KDM5A: variants seen among roughly 807,000 people sequenced by gnomAD.
KDM5A encodes the protein lysine-specific demethylase 5A.
A neutral mutation model predicts 193.5 loss-of-function variants in KDM5A; 42 were observed. The ratio of observed to expected loss-of-function variants is 0.22; its 90% CI spans 0.17 to 0.28. The LOEUF is 0.28. KDM5A is among the 10% of genes least tolerant of loss of function. The pLI is 1.00. For synonymous variants in KDM5A, 796 were observed against 718.1 expected (o/e 1.11, Z -1.73); for missense variants, 1,692 against 2,055.1 (o/e 0.82, Z 3.42).
At chr12:288,534 T>A (rs1427411344) in intron 27 of KDM5A, among the ~76,000 whole-genome samples, 4 of 152,164 alleles carry the variant, frequency 2.6e-5, no homozygotes, top group African/African-American at 9.7e-5. Context: ...TCACACTTAA[T>A]AAAAAATATT....
chr12:385,358 C>T (rs116183347), intron 2 of KDM5A, among the ~76,000 whole-genome samples: 2,077 of 151,704 alleles, frequency 0.014, 49 homozygotes, highest in African/African-American at 0.047. Flanking sequence ...GAAAAAACAG[C>T]AAAACGTACA....
intron 4 of KDM5A, among the ~76,000 whole-genome samples, chr12:365,052 T>C (rs10848849): frequency 0.7 from 106,923 of 151,958 alleles, 37,837 homozygotes; most frequent in Middle Eastern, 0.78. Context: ...TGCTATAGCA[T>C]GGCTGAACTT....
chr12:311,206 A>G (rs1040732373), intron 20 of KDM5A, 142 bp from the exon 21 acceptor site: 44 of 729,082 alleles, frequency 6.0e-5, no homozygotes, highest in African/African-American at 5.3e-5. Context: ...TTGAATTAAT[A>G]TAACTTCCAA....
intron 1 of KDM5A, among the ~76,000 whole-genome samples, chr12:387,024 C>T (rs1944645068): frequency 6.6e-6 from 1 of 151,956 alleles, no homozygotes; most frequent in Non-Finnish European, 1.5e-5. Flanking sequence ...TGTGACAGAG[C>T]ACTTTATGTT....
chr12:336,043 CAA>C (rs753624871), intron 10 of KDM5A, among the ~76,000 whole-genome samples: 2 of 42,008 alleles, frequency 4.8e-5, no homozygotes, highest in South Asian at 8.1e-4. Flanking sequence ...TACTTCATCT[CAA>C]AAAAAAAAAA....
At position 307,661 on chromosome 12, in the gene KDM5A, A is replaced by G. The variant is rs1943526603; in HGVS notation, c.3723T>C (p.Pro1241=). ...TCAAACACTGCAGGGCCTCTCCTTC[A>G]GGCAACCGTACGGGCAACTTCTGAA... The part of the protein sequence containing the change: ...VSLQKLPVRL[P]EGEALQCLTE... The change falls in exon 23 of 28, where the codon CCT becomes CCC. Residue 1241 remains proline (P), a synonymous_variant. Coordinates refer to ENST00000399788, the MANE Select transcript of KDM5A (RefSeq NM_001042603.3). The surrounding 1 kb of genome is among the most constrained non-coding windows in gnomAD (Gnocchi z 4.3). 6.2e-7 allele frequency: 1 copy of G among 1,614,082 alleles called. No individual in the cohort carries two copies. The highest frequency in any genetic ancestry group is 1.3e-5 in the African/African-American group (1 of 74,928).
At chr12:371,149 T>A (rs1591936784) in intron 3 of KDM5A, among the ~76,000 whole-genome samples, 1 of 152,352 alleles carries the variant, frequency 6.6e-6, no homozygotes, top group East Asian at 1.9e-4. Flanking sequence ...GATGGCTGGG[T>A]CAAATGGTAT....
In KDM5A at chr12:307,127, T is replaced by C. The variant is rs7314955; in HGVS notation, c.3931-38A>G. Reference sequence around the variant, plus strand: ...TAATTCCAAGATGAACAGCAAGACATGCTAAACAGACAGGGTAATTAATGT... The same window carrying C: ...TAATTCCAAGATGAACAGCAAGACACGCTAAACAGACAGGGTAATTAATGT... On this transcript the variant is annotated intron_variant, in intron 23 of 27. Transcript: ENST00000399788. The surrounding 1 kb of genome is among the most constrained non-coding windows in gnomAD (Gnocchi z 4.3). The C allele has an allele frequency of 4.1e-3, 6,647 of 1,612,978 alleles. 217 individuals are homozygous for C. The African/African-American group carries it at 0.077, about 19-fold the overall frequency.
rs770142298 is a variant in KDM5A, at chr12:354,081, C to T, written c.1024G>A (p.Ala342Thr). Residue 342 changes from alanine to threonine, a missense_variant, in exon 8 of 28, where the codon GCC becomes ACC. This residue lies in a region of KDM5A where 62 missense variants were observed against 107.1 expected (regional missense o/e 0.58). Coordinates refer to ENST00000399788, the MANE Select transcript of KDM5A (RefSeq NM_001042603.3). ...KGDWRCPKCVAEECSKPREAF... is the reference protein window; with the variant it reads ...KGDWRCPKCVTEECSKPREAF... ...CATAGAGGTTAGACGTGTACCTCGG[C>T]GACACATTTAGGACACCTCCAGTCT... is the stretch of plus-strand genomic sequence containing the variant. The T allele has an allele frequency of 9.9e-6, 16 of 1,613,296 alleles. No homozygotes were observed. The highest frequency in any genetic ancestry group is 1.2e-5 in the Non-Finnish European group (14 of 1,179,416).
intron 26 of KDM5A, 57 bp downstream of exon 26, chr12:295,516 A>G: frequency 6.7e-7 from 1 of 1,503,516 alleles, no homozygotes; most frequent in Non-Finnish European, 9.3e-7. Context: ...TGATACCTCT[A>G]AGGAACCTAG....
chr12:295,986 G>A (rs943791216), intron 25 of KDM5A, among the ~76,000 whole-genome samples, 193 bp from the exon 26 acceptor site: 16 of 151,788 alleles, frequency 1.1e-4, no homozygotes, highest in East Asian at 7.7e-4. Context: ...CAATTCCAAG[G>A]CCCACTCTAA....
chr12:382,758 C>T (rs1009577317), intron 3 of KDM5A, among the ~76,000 whole-genome samples: 4 of 151,940 alleles, frequency 2.6e-5, no homozygotes, highest in African/African-American at 9.7e-5. Context: ...ATAGTGAAAC[C>T]CCATCTCTAC....
intron 13 of KDM5A, among the ~76,000 whole-genome samples, chr12:330,975 TTTGA>T (rs1943858341): frequency 6.6e-6 from 1 of 152,154 alleles, no homozygotes; most frequent in Non-Finnish European, 1.5e-5. Flanking sequence ...CTAAATACTT[TTTGA>T]TTATCTACTT....
At chr12:359,766 A>AG (rs1944272044) in intron 5 of KDM5A, among the ~76,000 whole-genome samples, 1 of 39,692 alleles carries the variant, frequency 2.5e-5, no homozygotes, top group African/African-American at 9.9e-5. Context: ...GGTGGGGGGG[A>AG]GTGGGAGGGA....
intron 14 of KDM5A, among the ~76,000 whole-genome samples, 197 bp from the exon 15 acceptor site, chr12:323,978 G>C (rs1473770025): frequency 6.6e-6 from 1 of 152,100 alleles, no homozygotes; most frequent in East Asian, 1.9e-4. Context: ...ATTAAAGTTT[G>C]GTATCTAAGG....
intron 5 of KDM5A, among the ~76,000 whole-genome samples, chr12:359,759 G>C (rs1222650120): frequency 6.9e-6 from 1 of 144,912 alleles, no homozygotes; most frequent in Non-Finnish European, 1.5e-5. Context: ...AAAAAAGGGT[G>C]GGGGGGAGTG....
intron 24 of KDM5A, among the ~76,000 whole-genome samples, chr12:299,199 A>G (rs1460206587): frequency 3.9e-5 from 6 of 152,170 alleles, no homozygotes; most frequent in Non-Finnish European, 7.3e-5. Flanking sequence ...TACAGAGAAC[A>G]CCACAAAGAT....
chr12:368,807 T>C (rs539698300), intron 3 of KDM5A, among the ~76,000 whole-genome samples: 1 of 152,118 alleles, frequency 6.6e-6, no homozygotes, highest in Admixed American at 6.6e-5. Flanking sequence ...TTCCTCACCA[T>C]CATCAAAATA....
chr12:285,241 G>T lies in KDM5A; in HGVS notation c.*215C>A. On this transcript the variant is annotated 3_prime_UTR_variant, in exon 28 of 28. Transcript: ENST00000399788. ...TCAAAGGAGACATGAAATATTGGCT[G>T]TTGTACCAAAGAAGACACCCTCTGC... The T allele has an allele frequency of 1.7e-6, 1 of 592,880 alleles. No homozygotes were observed. The highest frequency in any genetic ancestry group is 2.1e-5 in the South Asian group (1 of 48,530). 36.7% of individuals were successfully genotyped at this position (592,880 alleles called of 1,614,324 possible). A position where few individuals can be genotyped will look rare whatever the true frequency, so the allele number is the denominator to read the frequency against.
Sources: gnomAD v4.1 joint callset for allele counts (sites outside exome capture counted in the v4.1 genomes callset) on GRCh38, gnomAD v4.1.1 for gene constraint, gnomAD v4.1.1 regional missense constraint, Gnocchi (gnomAD v3.1) non-coding constraint, MANE v1.5 for transcripts, NCBI Gene and HGNC (gene_info 2026-07-23, HGNC 2026-07-21) for gene names.